PAK3: variants seen among roughly 807,000 people sequenced by gnomAD.
The protein encoded by PAK3 is serine/threonine-protein kinase PAK 3.
In PAK3, 4 loss-of-function variants were observed where a neutral mutation model predicts 41.0. The ratio of observed to expected loss-of-function variants is 0.10; its 90% CI spans 0.05 to 0.22. The LOEUF (loss-of-function observed/expected upper bound fraction) is 0.22, where lower values mean the gene tolerates loss of function less well. PAK3 is among the 10% of genes least tolerant of loss of function. The pLI, the probability that PAK3 is intolerant of heterozygous loss-of-function variation, is 1.00. For synonymous variants in PAK3, 146 were observed against 139.6 expected (o/e 1.05, Z -0.32); for missense variants, 205 against 409.9 (o/e 0.50, Z 4.32).
intron 1 of PAK3, among the ~76,000 whole-genome samples, chrX:111,006,248 A>G (rs2091921531): frequency 8.9e-6 from 1 of 112,142 alleles, no homozygotes. Flanking sequence ...AATATGGACT[A>G]TATATTAGGT....
At chrX:111,164,757 C>T (rs2094233804) in intron 10 of PAK3, among the ~76,000 whole-genome samples, 1 of 111,993 alleles carries the variant, frequency 8.9e-6, no homozygotes, top group Non-Finnish European at 1.9e-5. Context: ...TGCAAGAAAC[C>T]TTGGAGGACA....
intron 5 of PAK3, 73 bp from the exon 6 acceptor site, chrX:111,142,023 T>A (rs941936042): frequency 2.5e-5 from 15 of 595,440 alleles, no homozygotes; most frequent in Non-Finnish European, 4.5e-5. Flanking sequence ...ATTGTTTTGA[T>A]GAACCTAATT....
chrX:111,171,659 C>G (rs923412115), intron 10 of PAK3, among the ~76,000 whole-genome samples: 7 of 111,683 alleles, frequency 6.3e-5, no homozygotes, highest in South Asian at 3.7e-4. Flanking sequence ...TTGGAGCAAT[C>G]TATAGAAACA....
At chrX:111,042,549 C>T (rs769914322) in intron 1 of PAK3, among the ~76,000 whole-genome samples, 4 of 111,841 alleles carry the variant, frequency 3.6e-5, no homozygotes, top group African/African-American at 1.3e-4. Context: ...CAGCCCTGCT[C>T]GCCATCCTAC....
intron 1 of PAK3, among the ~76,000 whole-genome samples, chrX:111,021,930 A>G (rs948407173): frequency 9.0e-6 from 1 of 110,776 alleles, no homozygotes; most frequent in Non-Finnish European, 1.9e-5. Flanking sequence ...AGAGAACTTC[A>G]GATCTCGAAG....
chrX:111,204,878 G>GTTTTTTTTTTTTTTTTTTTTTTTCTTTTT (rs1163687252), intron 16 of PAK3, among the ~76,000 whole-genome samples: 1 of 37,671 alleles, frequency 2.7e-5, no homozygotes, highest in African/African-American at 1.0e-4. Flanking sequence ...CCTTTGCTTT[G>GTTTTTTTTTTTTTTTTTTTTTTTCTTTTT]TTTTTTTTTT....
chrX:110,949,069 T>C (rs1259560878), intron 1 of PAK3, among the ~76,000 whole-genome samples: 1 of 112,044 alleles, frequency 8.9e-6, no homozygotes, highest in Non-Finnish European at 1.9e-5. Context: ...CAGAAGTCAT[T>C]CTAAGAGTTG....
chrX:111,150,326 G>C (rs1422376236), intron 7 of PAK3, among the ~76,000 whole-genome samples: 1 of 111,678 alleles, frequency 9.0e-6, no homozygotes, highest in Admixed American at 9.5e-5. Flanking sequence ...TGTTCCAATT[G>C]CCTGTTGCCC....
intron 1 of PAK3, among the ~76,000 whole-genome samples, chrX:110,989,367 G>A (rs1176503591): frequency 2.7e-5 from 3 of 112,206 alleles, no homozygotes; most frequent in Non-Finnish European, 5.6e-5. Flanking sequence ...ATAATCCCAT[G>A]TGTCCAGATA....
intron 1 of PAK3, among the ~76,000 whole-genome samples, chrX:111,049,456 T>C (rs2092534238): frequency 8.9e-6 from 1 of 112,123 alleles, no homozygotes; most frequent in Admixed American, 9.5e-5. Flanking sequence ...AATAAATATA[T>C]ATTGAGTGAA....
intron 1 of PAK3, among the ~76,000 whole-genome samples, chrX:110,957,368 AT>A (rs897940498): frequency 8.9e-6 from 1 of 111,766 alleles, no homozygotes; most frequent in African/African-American, 3.3e-5. Flanking sequence ...TGCCTTATAT[AT>A]TTTTTTCTCA....
chrX:111,118,067 T>C (rs189786575), intron 4 of PAK3, among the ~76,000 whole-genome samples: 153 of 111,956 alleles, frequency 1.4e-3, no homozygotes, highest in African/African-American at 4.7e-3. Flanking sequence ...GTCTGAAAAG[T>C]CACTAGAAAT....
intron 1 of PAK3, among the ~76,000 whole-genome samples, chrX:111,020,004 A>T (rs999793748): frequency 5.4e-5 from 6 of 112,029 alleles, no homozygotes; most frequent in Non-Finnish European, 7.5e-5. Context: ...GGAAAATGGT[A>T]TGATAATTCC....
intron 4 of PAK3, among the ~76,000 whole-genome samples, chrX:111,108,789 A>G (rs2093320239): frequency 8.9e-6 from 1 of 112,324 alleles, no homozygotes. Flanking sequence ...TTCAAGATTC[A>G]CCAAAGGCAA....
chrX:111,025,574 C>T (rs1285492545), intron 1 of PAK3, among the ~76,000 whole-genome samples: 1 of 110,665 alleles, frequency 9.0e-6, no homozygotes, highest in Non-Finnish European at 1.9e-5. Flanking sequence ...ATATACAACC[C>T]TCCTAGATTA....
chrX:111,193,370 T>TA (rs1367335279), intron 13 of PAK3, among the ~76,000 whole-genome samples: 5 of 93,037 alleles, frequency 5.4e-5, no homozygotes. Context: ...TTTTTTTTTT[T>TA]ACAGAGTCTT....
At chrX:111,044,027 G>A (rs1365371156) in intron 1 of PAK3, among the ~76,000 whole-genome samples, 1 of 111,923 alleles carries the variant, frequency 8.9e-6, no homozygotes, top group East Asian at 2.8e-4. Context: ...GTTCTTTATT[G>A]ATTTTAAGAA....
At chrX:111,035,105 C>CAAAAA (rs533876214) in intron 1 of PAK3, among the ~76,000 whole-genome samples, 4 of 39,556 alleles carry the variant, frequency 1.0e-4, no homozygotes, top group African/African-American at 5.6e-4. Context: ...GACCCTGTCT[C>CAAAAA]AAAAAAAAAA....
chrX:111,203,501 A>T (rs2094706194), intron 16 of PAK3, among the ~76,000 whole-genome samples: 2 of 111,627 alleles, frequency 1.8e-5, no homozygotes, highest in Admixed American at 1.9e-4. Context: ...CATGATTAGG[A>T]GTGCATTACC....
Sources: gnomAD v4.1 joint callset for allele counts (sites outside exome capture counted in the v4.1 genomes callset) on GRCh38, gnomAD v4.1.1 for gene constraint, MANE v1.5 for transcripts, NCBI Gene and HGNC (gene_info 2026-07-23, HGNC 2026-07-21) for gene names.